Variants in PRAME observed in about 807,000 individuals in gnomAD.
PRAME encodes the protein melanoma antigen preferentially expressed in tumors.
In PRAME, 21 loss-of-function variants were observed where a neutral mutation model predicts 32.1. That is an observed-to-expected ratio of 0.65 (90% confidence interval 0.46 to 0.94). The LOEUF (loss-of-function observed/expected upper bound fraction) is 0.94, where lower values mean the gene tolerates loss of function less well. PRAME is among the 40% of genes least tolerant of loss of function. The pLI is 0.00. For missense variants in PRAME, 651 were observed against 622.3 expected (o/e 1.05, Z -0.49); for synonymous variants, 274 against 251.5 (o/e 1.09, Z -0.85).
chr22:22,558,533 AG>A (rs1332933803), intron 1 of PRAME, among the ~76,000 whole-genome samples: 4 of 42,654 alleles, frequency 9.4e-5, no homozygotes, highest in African/African-American at 9.6e-5. Flanking sequence ...AGAGTGGGGG[AG>A]GGGGTGGGGA....
chr22:22,553,910 C>A, intron 3 of PRAME: 1 of 985,184 alleles, frequency 1.0e-6, no homozygotes, highest in Non-Finnish European at 1.2e-6. Context: ...CAAACATAAT[C>A]TCCAATGGCC....
chr22:22,549,174 A>G (rs1488481303), intron 5 of PRAME, among the ~76,000 whole-genome samples: 1 of 151,858 alleles, frequency 6.6e-6, no homozygotes, highest in Non-Finnish European at 1.5e-5. Context: ...CTGTATCATC[A>G]GCAAACCACC....
intron 3 of PRAME, among the ~76,000 whole-genome samples, chr22:22,551,994 C>T (rs1229278499): frequency 6.7e-6 from 1 of 150,272 alleles, no homozygotes; most frequent in Non-Finnish European, 1.5e-5. Flanking sequence ...CTTGAAAAAG[C>T]CTCCACCCTC....
In PRAME at chr22:22,549,205, C is replaced by CT. The variant is rs535156751; in HGVS notation, c.953+520dup. Among the ~76,000 whole-genome samples, 33 of 152,016 alleles carry CT rather than the reference C, an allele frequency of 2.2e-4. No homozygotes were observed. The South Asian group carries it at 6.9e-3, about 32-fold the overall frequency. ...CCACCTATCAATTTTTGCAATTTCT[C>CT]TGTTGTTCCTTCTCCCACATCTCCA... is the stretch of plus-strand genomic sequence containing the variant. On this transcript the variant is annotated intron_variant, in intron 5 of 5. Transcript: ENST00000405655.
In PRAME at chr22:22,547,978, CTG is replaced by C. The variant is rs2062342349; in HGVS notation, c.*87_*88del. On this transcript the variant is annotated 3_prime_UTR_variant, in exon 6 of 6. Coordinates refer to ENST00000405655, the MANE Select transcript of PRAME (RefSeq NM_206956.3). ...ACTCACACTGAACATTTGTCTGAAA[CTG>C]TGGCTGCTTTGTTGCTTCAAGATGC... is the stretch of plus-strand genomic sequence containing the variant. 8.2e-6 allele frequency: 11 copies of C among 1,348,808 alleles called. No homozygotes were observed. The highest frequency in any genetic ancestry group is 1.0e-5 in the Non-Finnish European group (10 of 979,076). The allele number at this position is 1,348,808 out of a possible 1,614,324, so 83.6% of individuals were successfully genotyped here.
intron 3 of PRAME, chr22:22,553,813 AG>A (rs1432467944): frequency 9.9e-5 from 98 of 984,954 alleles, no homozygotes; most frequent in Non-Finnish European, 1.1e-4. Context: ...CTGCAATTAA[AG>A]AAGTTGTCAG....
At chr22:22,554,911 T>C (rs569042480) in intron 3 of PRAME, among the ~76,000 whole-genome samples, 1 of 151,960 alleles carries the variant, frequency 6.6e-6, no homozygotes, top group African/African-American at 2.4e-5. Context: ...AAGTGTGAGT[T>C]GTGTAATCTC....
rs551965456 is a variant in PRAME, at chr22:22,553,692, T to C, written c.22-2603A>G. ...GCTGGAGAGGTGGGATAGAGAGTAATATTGGTGACCAAACCTAGGACAGCA... is the reference window on the plus strand; with the variant it reads ...GCTGGAGAGGTGGGATAGAGAGTAACATTGGTGACCAAACCTAGGACAGCA... On this transcript the variant is annotated intron_variant, in intron 3 of 5. Coordinates refer to ENST00000405655, the MANE Select transcript of PRAME (RefSeq NM_206956.3). The C allele has an allele frequency of 1.1e-4, 76 of 664,764 alleles. No individual in the cohort carries two copies. In the African/African-American group the frequency reaches 1.5e-3, roughly 13 times the overall value. The allele number at this position is 664,764 out of a possible 1,614,324, so 41.2% of individuals were successfully genotyped here.
In PRAME at chr22:22,551,014, T is replaced by C. The variant is rs1304112412; in HGVS notation, c.97A>G (p.Ser33Gly). The change falls in exon 4 of 6, where the codon AGC (serine) becomes GGC (glycine). Residue 33 changes from serine (S) to glycine (G), a missense_variant. Physicochemically the swap from Ser to Gly is moderately conservative, Grantham distance 56 (BLOSUM62 0). Transcript: ENST00000405655. Reference sequence around the variant, plus strand: ...GCCAGGGCCTCATCCTTCAGCAGGCTCTGCCCTGCCAGCTCCACAAGTCTC... The same window carrying C: ...GCCAGGGCCTCATCCTTCAGCAGGCCCTGCCCTGCCAGCTCCACAAGTCTC... The part of the protein sequence containing the change: ...PRRLVELAGQ[S>G]LLKDEALAIA... The C allele has an allele frequency of 6.2e-7, 1 of 1,612,384 alleles. No homozygotes were observed. Among genetic ancestry groups the C allele is most frequent in the South Asian group, 1.1e-5 (1 of 90,962 alleles).
rs376629426 is a variant in PRAME at position 22,549,977 on chromosome 22, A to G, written c.702T>C (p.Ser234=). The change falls in exon 5 of 6, where the codon TCT becomes TCC. Residue 234 remains serine (S), a synonymous_variant. Coordinates refer to ENST00000405655, the MANE Select transcript of PRAME (RefSeq NM_206956.3). The part of the protein sequence containing the change: ...KMILKMVQLD[S]IEDLEVTCTW... ...TACAAGTCACTTCCAAATCTTCAAT[A>G]GAGTCCAGCTGCACCATTTTCAGGA... 1 of 1,613,800 alleles carries G rather than the reference A, an allele frequency of 6.2e-7. No homozygotes were observed. Among genetic ancestry groups the G allele is most frequent in the Non-Finnish European group, 8.5e-7 (1 of 1,179,976 alleles).
chr22:22,553,482 G>T (rs990392308), intron 3 of PRAME, among the ~76,000 whole-genome samples: 1 of 151,958 alleles, frequency 6.6e-6, no homozygotes, highest in African/African-American at 2.4e-5. Flanking sequence ...CCTGGATGGA[G>T]TAGAGAAATT....
At position 22,548,613 on chromosome 22, in the gene PRAME, T is replaced by C. The variant is rs2062376585; in HGVS notation, c.984A>G (p.Ser328=). ...RHVMNPLETL[S]ITNCRLSEGD... ...CTTCCGAAAGCCGGCAGTTAGTTAT[T>C]GAGAGGGTTTCCAAGGGGTTCATCA... Residue 328 remains serine (S), a synonymous_variant, in exon 6 of 6, where the codon TCA becomes TCG. Transcript: ENST00000405655. 2 of 1,606,272 alleles carry C rather than the reference T, an allele frequency of 1.2e-6. No homozygotes were observed. The highest frequency in any genetic ancestry group is 8.5e-7 in the Non-Finnish European group (1 of 1,179,480).
chr22:22,548,586 C>T lies in PRAME; in HGVS notation c.1011G>A (p.Gly337=). The change falls in exon 6 of 6, where the codon GGG becomes GGA. Residue 337 remains glycine, a synonymous_variant. Transcript: ENST00000405655. Reference sequence around the variant, plus strand: ...GACTCTGGGACAGATGCATCACATCCCCTTCCGAAAGCCGGCAGTTAGTTA... The same window carrying T: ...GACTCTGGGACAGATGCATCACATCTCCTTCCGAAAGCCGGCAGTTAGTTA... ...LSITNCRLSE[G]DVMHLSQSPS... The T allele has an allele frequency of 6.2e-7, 1 of 1,611,960 alleles. No individual in the cohort carries two copies. Among genetic ancestry groups the T allele is most frequent in the Non-Finnish European group, 8.5e-7 (1 of 1,179,878 alleles).
chr22:22,549,856 A>G lies in PRAME; in HGVS notation c.823T>C (p.Tyr275His). 1 of 1,613,884 alleles carries G rather than the reference A, an allele frequency of 6.2e-7. No homozygotes were observed. ...TGCTCTTCCTTCTCCGGGGAAATGT[A>G]GGAAGATGCATGGATGTGGGAGAGG... Reference protein sequence around the residue: ...LLLSHIHASSYISPEKEEQYI... With the variant: ...LLLSHIHASSHISPEKEEQYI... Residue 275 changes from tyrosine (Y) to histidine (H), a missense_variant, in exon 5 of 6, where the codon TAC becomes CAC. Tyr to His is a moderately conservative substitution (Grantham distance 83, BLOSUM62 2). Transcript: ENST00000405655.
chr22:22,548,056 T>C lies in PRAME; in HGVS notation c.*11A>G. The C allele has an allele frequency of 6.3e-7, 1 of 1,599,472 alleles. No homozygotes were observed. The highest frequency in any genetic ancestry group is 8.5e-7 in the Non-Finnish European group (1 of 1,171,444). On this transcript the variant is annotated 3_prime_UTR_variant, in exon 6 of 6. Transcript: ENST00000405655. ...AGTATGCAGAATGAAGCATTTGATA[T>C]GTGCACCCAGCTAATTAGGCATGAA...
intron 5 of PRAME, 52 bp from the exon 6 acceptor site, chr22:22,548,695 G>C (rs879120195): frequency 6.9e-7 from 1 of 1,445,046 alleles, no homozygotes; most frequent in Non-Finnish European, 9.4e-7. Flanking sequence ...GTGGGGTGGG[G>C]AGACTGGAGA....
Position 22,553,447 on chromosome 22 carries a change from T to G in PRAME, c.22-2358A>C, listed in dbSNP as rs977957711. ...TACCACAAAGACAGATAGGTTTTTT[T>G]GGGGGCGGAATTGAAAGACTTTGGC... On this transcript the variant is annotated intron_variant, in intron 3 of 5. Transcript: ENST00000405655. 2.4e-4 allele frequency among the ~76,000 whole-genome samples: 37 copies of G among 152,034 alleles called. 1 individual carries two copies. The highest frequency in any genetic ancestry group is 8.0e-4 in the African/African-American group (33 of 41,492).
chr22:22,555,992 GATT>G, intron 3 of PRAME: 1 of 336,356 alleles, frequency 3.0e-6, no homozygotes, highest in Non-Finnish European at 5.9e-6. Flanking sequence ...AATGCATTAA[GATT>G]TTTTTTTTTT....
At position 22,548,508 on chromosome 22, in the gene PRAME, A is replaced by G. The variant is rs1300923989; in HGVS notation, c.1089T>C (p.Asp363=). The change falls in exon 6 of 6, where the codon GAT becomes GAC. Residue 363 remains aspartate (D), a synonymous_variant. Transcript: ENST00000405655. ...GAGCTTGGAGGGGCTCGGGACTTAC[A>G]TCGGTCAGCATGACCCCACTTAGAC... ...VLSLSGVMLT[D]VSPEPLQALL... is the part of the protein sequence containing the mutation. The G allele has an allele frequency of 2.5e-6, 4 of 1,613,738 alleles. No homozygotes were observed. The African/African-American group carries it at 5.3e-5, about 22-fold the overall frequency.
Sources: gnomAD v4.1 joint callset for allele counts (sites outside exome capture counted in the v4.1 genomes callset) on GRCh38, gnomAD v4.1.1 for gene constraint, MANE v1.5 for transcripts, NCBI Gene and HGNC (gene_info 2026-07-23, HGNC 2026-07-21) for gene names.